Variants in KCTD8 observed in about 807,000 individuals in gnomAD.
The protein encoded by KCTD8 is BTB/POZ domain-containing protein KCTD8.
A neutral mutation model predicts 31.5 loss-of-function variants in KCTD8; 27 were observed. That is an observed-to-expected ratio of 0.86 (90% CI 0.63 to 1.18). The LOEUF is 1.18. KCTD8 is among the 50% of genes most tolerant of loss of function. The pLI is 0.00. For synonymous variants in KCTD8, 290 were observed against 280.0 expected (o/e 1.04, Z -0.36); for missense variants, 658 against 647.7 (o/e 1.02, Z -0.17).
intron 1 of KCTD8, among the ~76,000 whole-genome samples, chr4:44,291,860 C>G (rs1019709405): frequency 2.8e-5 from 4 of 144,204 alleles, no homozygotes; most frequent in Admixed American, 2.2e-4. Flanking sequence ...CAGTGGCCAA[C>G]AAATGTATGA....
At chr4:44,305,697 C>G (rs547817391) in intron 1 of KCTD8, among the ~76,000 whole-genome samples, 4 of 151,768 alleles carry the variant, frequency 2.6e-5, no homozygotes, top group Non-Finnish European at 5.9e-5. Context: ...TTGAGGAACA[C>G]CACTAACATG....
intron 1 of KCTD8, among the ~76,000 whole-genome samples, chr4:44,248,367 G>C (rs919276239): frequency 2.0e-5 from 3 of 148,740 alleles, no homozygotes; most frequent in Non-Finnish European, 4.5e-5. Context: ...TTATCCTCTA[G>C]GTTCATCTCT....
chr4:44,206,089 TA>T (rs1409132311), intron 1 of KCTD8, among the ~76,000 whole-genome samples: 3 of 151,930 alleles, frequency 2.0e-5, no homozygotes, highest in African/African-American at 7.3e-5. Flanking sequence ...TTAGATTATT[TA>T]TTTTTTTTTA....
At chr4:44,394,695 C>A (rs1720453016) in intron 1 of KCTD8, among the ~76,000 whole-genome samples, 1 of 152,002 alleles carries the variant, frequency 6.6e-6, no homozygotes, top group African/African-American at 2.4e-5. Flanking sequence ...ACAGGTGAAG[C>A]ATTACATCTA....
At chr4:44,299,867 C>T (rs1170589406) in intron 1 of KCTD8, among the ~76,000 whole-genome samples, 4 of 151,272 alleles carry the variant, frequency 2.6e-5, no homozygotes, top group Non-Finnish European at 5.9e-5. Context: ...TTTCTCCTGC[C>T]TCAGCCTCCG....
chr4:44,214,272 G>A (rs1392695797), intron 1 of KCTD8, among the ~76,000 whole-genome samples: 1 of 152,150 alleles, frequency 6.6e-6, no homozygotes, highest in Non-Finnish European at 1.5e-5. Context: ...CCAGCCAAAG[G>A]AGCTAGGAGG....
At chr4:44,300,816 T>C (rs935425415) in intron 1 of KCTD8, among the ~76,000 whole-genome samples, 2 of 151,596 alleles carry the variant, frequency 1.3e-5, no homozygotes, top group Non-Finnish European at 2.9e-5. Context: ...GCTGCACCCA[T>C]TAACTCGTCA....
intron 1 of KCTD8, among the ~76,000 whole-genome samples, chr4:44,258,036 A>T (rs1716039696): frequency 6.6e-6 from 1 of 152,000 alleles, no homozygotes; most frequent in Non-Finnish European, 1.5e-5. Context: ...ATATATTTTG[A>T]GTTGCCTATT....
chr4:44,374,467 A>G (rs1178612261), intron 1 of KCTD8, among the ~76,000 whole-genome samples: 1 of 152,184 alleles, frequency 6.6e-6, no homozygotes, highest in Non-Finnish European at 1.5e-5. Context: ...ACACTTTCTT[A>G]TCATTGTGTG....
intron 1 of KCTD8, among the ~76,000 whole-genome samples, chr4:44,195,610 A>G (rs959886828): frequency 3.3e-5 from 5 of 152,370 alleles, no homozygotes; most frequent in Admixed American, 3.3e-4. Flanking sequence ...TGATATGCAT[A>G]TAACTAGAAA....
chr4:44,285,845 G>A (rs1302426956), intron 1 of KCTD8, among the ~76,000 whole-genome samples: 2 of 152,014 alleles, frequency 1.3e-5, no homozygotes, highest in African/African-American at 4.8e-5. Flanking sequence ...TCCTCTGATG[G>A]TAAAGTAAAC....
At chr4:44,377,019 T>C (rs945244897) in intron 1 of KCTD8, among the ~76,000 whole-genome samples, 4 of 152,148 alleles carry the variant, frequency 2.6e-5, no homozygotes, top group African/African-American at 9.7e-5. Context: ...AAAACATAAA[T>C]GAGGCCCACA....
intron 1 of KCTD8, among the ~76,000 whole-genome samples, chr4:44,442,755 C>G (rs1337744264): frequency 1.2e-5 from 1 of 83,690 alleles, no homozygotes; most frequent in Admixed American, 1.3e-4. Flanking sequence ...TCCAAAGAGG[C>G]TTTTTCTTAA....
chr4:44,281,749 C>G (rs1716910744), intron 1 of KCTD8, among the ~76,000 whole-genome samples: 1 of 152,076 alleles, frequency 6.6e-6, no homozygotes, highest in African/African-American at 2.4e-5. Context: ...CAAGACGAGA[C>G]AACTTTAATA....
chr4:44,264,620 T>A lies in KCTD8; in HGVS notation c.962-89370A>T, dbSNP rs558746098. ...CGGGAAGCGCAAGGGGTCAGGGAGT[T>A]CCCTTTCCTGGTCAAGGAAAGGGGT... On this transcript the variant is annotated intron_variant, in intron 1 of 1. Transcript: ENST00000360029. Among the ~76,000 whole-genome samples the A allele has an allele frequency of 4.6e-4, 70 of 152,274 alleles. No individual in the cohort carries two copies. In the East Asian group the frequency reaches 8.9e-3, roughly 19 times the overall value.
intron 1 of KCTD8, among the ~76,000 whole-genome samples, chr4:44,442,144 C>T (rs1721825195): frequency 6.6e-6 from 1 of 150,888 alleles, no homozygotes. Flanking sequence ...ATTTTATTGG[C>T]ACTTACTAGT....
chr4:44,406,551 C>T (rs1014011517), intron 1 of KCTD8, among the ~76,000 whole-genome samples: 1 of 152,128 alleles, frequency 6.6e-6, no homozygotes, highest in Non-Finnish European at 1.5e-5. Flanking sequence ...GAGGCCTCCC[C>T]AGCCATGTCG....
chr4:44,206,125 C>CT (rs200305857), intron 1 of KCTD8, among the ~76,000 whole-genome samples: 8,182 of 151,838 alleles, frequency 0.054, 722 homozygotes, highest in African/African-American at 0.19. Context: ...TGTATGCATT[C>CT]TTGGTGAGTA....
intron 1 of KCTD8, among the ~76,000 whole-genome samples, chr4:44,311,109 C>T (rs1717938439): frequency 6.6e-6 from 1 of 151,904 alleles, no homozygotes; most frequent in Non-Finnish European, 1.5e-5. Context: ...TCAAATTTGT[C>T]TATAAATAAC....
Sources: allele counts gnomAD v4.1 joint callset (sites outside exome capture counted in the v4.1 genomes callset), GRCh38; gene constraint gnomAD v4.1.1; transcripts MANE v1.5; gene names NCBI Gene and HGNC (gene_info 2026-07-23, HGNC 2026-07-21).